Variants in P2RY6 observed in about 807,000 individuals in gnomAD.
P2RY6 encodes the protein pyrimidinergic receptor P2Y6, also known as P2Y purinoceptor 6.
Under a neutral mutation model 16.3 loss-of-function variants are expected in P2RY6, and 19 were observed. The ratio of observed to expected loss-of-function variants is 1.16; its 90% CI spans 0.81 to 1.71. P2RY6 has a LOEUF of 1.71. Among genes scored for constraint, P2RY6 ranks in the 40% most tolerant of loss-of-function variants. The probability of loss-of-function intolerance (pLI) is 0.00; values close to 1 mark genes in which losing one functional copy is unlikely to be tolerated. For missense variants in P2RY6, 389 were observed against 455.5 expected, an observed-to-expected ratio of 0.85 and a Z score of 1.33; for synonymous variants, 184 against 201.5, an observed-to-expected ratio of 0.91 and a Z score of 0.74.
chr11:73,292,161 G>A (rs1485691344), intron 1 of P2RY6, among the ~76,000 whole-genome samples: 14 of 152,258 alleles, frequency 9.2e-5, no homozygotes, highest in African/African-American at 2.2e-4. Flanking sequence ...CACAGCCCAC[G>A]TCCATCACTC....
chr11:73,265,858 A>T (rs925194808), intron 1 of P2RY6, among the ~76,000 whole-genome samples: 1 of 152,230 alleles, frequency 6.6e-6, no homozygotes, highest in Non-Finnish European at 1.5e-5. Context: ...CTGGCACTTT[A>T]TCTGCAGAAC....
At chr11:73,273,825 G>A (rs7116594) in intron 1 of P2RY6, among the ~76,000 whole-genome samples, 27,846 of 151,912 alleles carry the variant, frequency 0.18, 2,917 homozygotes, top group African/African-American at 0.29. Context: ...TCCCACTGAC[G>A]CTTTTTATTT....
At chr11:73,275,785 G>A (rs1863512086) in intron 1 of P2RY6, among the ~76,000 whole-genome samples, 1 of 152,186 alleles carries the variant, frequency 6.6e-6, no homozygotes, top group African/African-American at 2.4e-5. Context: ...TATCCTCCCA[G>A]GCTGGAAATC....
chr11:73,279,271 T>C (rs970425588), intron 1 of P2RY6, among the ~76,000 whole-genome samples: 4 of 152,222 alleles, frequency 2.6e-5, no homozygotes, highest in African/African-American at 4.8e-5. Context: ...TAGATATTAA[T>C]ACCTTATCAG....
chr11:73,282,725 T>C (rs1437970432), intron 1 of P2RY6, among the ~76,000 whole-genome samples: 1 of 151,976 alleles, frequency 6.6e-6, no homozygotes, highest in Middle Eastern at 3.4e-3. Context: ...CTGCATATTG[T>C]AAGACTCCTT....
In P2RY6 at chr11:73,298,498, C is replaced by CATGA. The variant is rs1350782219; in HGVS notation, c.*993_*994insATGA. 1 of 167,186 alleles carries CATGA rather than the reference C, an allele frequency of 6.0e-6. No individual in the cohort carries two copies. Among genetic ancestry groups the CATGA allele is most frequent in the Non-Finnish European group, 1.5e-5 (1 of 68,230 alleles). The allele number at this position is 167,186 out of a possible 1,614,324, so 10.4% of individuals were successfully genotyped here. On this transcript the variant is annotated 3_prime_UTR_variant, in exon 3 of 3. Transcript: ENST00000540124. ...AGAGGCAGGGGGCGAAGTGCAGTGG[C>CATGA]TCATGCCTGTAATCTCAGCAATTTG... is the stretch of plus-strand genomic sequence containing the variant.
intron 1 of P2RY6, among the ~76,000 whole-genome samples, chr11:73,283,402 C>T (rs990974846): frequency 6.6e-6 from 1 of 152,166 alleles, no homozygotes. Flanking sequence ...TGGAGGTGCC[C>T]CTGCCGGCCC....
intron 1 of P2RY6, among the ~76,000 whole-genome samples, chr11:73,266,942 T>A (rs540852042): frequency 9.2e-5 from 14 of 152,302 alleles, no homozygotes; most frequent in African/African-American, 3.4e-4. Context: ...AGGCCAGCTG[T>A]CTTCTTAGCT....
At chr11:73,272,298 T>C, upstream of P2RY6, 1 of 979,492 alleles carries the variant, frequency 1.0e-6, no homozygotes, top group Non-Finnish European at 1.2e-6. Context: ...AGTTACTTCC[T>C]CTCCCCAGGT....
intron 1 of P2RY6, among the ~76,000 whole-genome samples, chr11:73,291,674 C>T (rs147262986): frequency 3.3e-4 from 50 of 152,310 alleles, no homozygotes; most frequent in African/African-American, 1.1e-3. Flanking sequence ...GGGGTGAGAT[C>T]GATGCCTTTA....
rs773575254 is a variant in P2RY6, at chr11:73,297,500, C to T, written c.982C>T (p.Arg328Cys). The T allele has an allele frequency of 5.0e-6, 8 of 1,605,010 alleles. No homozygotes were observed. Among genetic ancestry groups the T allele is most frequent in the African/African-American group, 2.7e-5 (2 of 74,886 alleles). ...CACAGCCAAATGGCAGAGGCAGGGT[C>T]GCTGAGTCCTCCAGGTCCTGGGCAG... ...KLTAKWQRQG[R>C] Residue 328 changes from arginine to cysteine, a missense_variant, in exon 3 of 3, where the codon CGC becomes TGC. Arg to Cys is a radical substitution (Grantham distance 180). Transcript: ENST00000540124.
chr11:73,271,313 G>C (rs1453501591), upstream of P2RY6, among the ~76,000 whole-genome samples: 1 of 152,150 alleles, frequency 6.6e-6, no homozygotes, highest in Non-Finnish European at 1.5e-5. Flanking sequence ...GTAGCAGGAC[G>C]AGCCGCGGAC....
Position 73,296,968 on chromosome 11 carries a change from C to T in P2RY6, c.450C>T (p.Ala150=), listed in dbSNP as rs748905916. 38 of 1,603,142 alleles carry T rather than the reference C, an allele frequency of 2.4e-5. No homozygotes were observed. Among genetic ancestry groups the T allele is most frequent in the Non-Finnish European group, 2.7e-5 (32 of 1,179,970 alleles). ...GRRAAWLVCV[A]VWLAVTTQCL... is the part of the protein sequence containing the mutation. ...GGGCTGCCTGGCTAGTGTGTGTAGC[C>T]GTGTGGCTGGCCGTGACAACCCAGT... Residue 150 remains alanine, a synonymous_variant, in exon 3 of 3, where the codon GCC becomes GCT. Transcript: ENST00000540124.
In P2RY6 at chr11:73,298,541, G is replaced by A. The variant is rs1864601206; in HGVS notation, c.*1036G>A. The stretch of plus-strand genomic sequence containing the variant: ...GCAATTTGGGAGGCCAAGGAAGGAG[G>A]AATGCTTGAGCCCAAGAGTTTTAGA... On this transcript the variant is annotated 3_prime_UTR_variant, in exon 3 of 3. Coordinates refer to ENST00000540124, the MANE Select transcript of P2RY6 (RefSeq NM_001277204.2). 1 of 166,602 alleles carries A rather than the reference G, an allele frequency of 6.0e-6. No individual in the cohort carries two copies. The highest frequency in any genetic ancestry group is 2.4e-5 in the African/African-American group (1 of 41,436). 10.3% of individuals were successfully genotyped at this position (166,602 alleles called of 1,614,324 possible). A position where few individuals can be genotyped will look rare whatever the true frequency, so the allele number is the denominator to read the frequency against.
chr11:73,272,160 A>T (rs1863339366), upstream of P2RY6: 2 of 157,690 alleles, frequency 1.3e-5, no homozygotes, highest in Non-Finnish European at 2.7e-5. Context: ...GAGCAAACAG[A>T]GGGTGAATGA....
At chr11:73,296,234 ATATATATATAT>A (rs1221487034) in intron 2 of P2RY6, among the ~76,000 whole-genome samples, 1 of 98,854 alleles carries the variant, frequency 1.0e-5, no homozygotes, top group African/African-American at 4.4e-5. Context: ...AAAAAAAAAA[ATATATATATAT>A]ATATATATAT....
intron 1 of P2RY6, among the ~76,000 whole-genome samples, chr11:73,280,454 C>A (rs1863712651): frequency 6.6e-6 from 1 of 152,192 alleles, no homozygotes; most frequent in Non-Finnish European, 1.5e-5. Flanking sequence ...CTTCAACAGG[C>A]CTCTCACAGA....
At chr11:73,292,098 A>G (rs1322817295) in intron 1 of P2RY6, among the ~76,000 whole-genome samples, 1 of 152,134 alleles carries the variant, frequency 6.6e-6, no homozygotes, top group African/African-American at 2.4e-5. Flanking sequence ...GGTGGTGAGG[A>G]GGGGCTGGGG....
In P2RY6 at chr11:73,272,399, CT is replaced by C; in HGVS notation, c.-187del. 1.0e-6 allele frequency: 1 copy of C among 985,494 alleles called. No individual in the cohort carries two copies. The highest frequency in any genetic ancestry group is 1.2e-6 in the Non-Finnish European group (1 of 829,954). 61.0% of individuals were successfully genotyped at this position (985,494 alleles called of 1,614,324 possible). On this transcript the variant is annotated 5_prime_UTR_variant, in exon 1 of 3. Coordinates refer to ENST00000540124, the MANE Select transcript of P2RY6 (RefSeq NM_001277204.2). The stretch of plus-strand genomic sequence containing the variant: ...GCACAGAACTGACTGGCAGCAGGGG[CT>C]GCTCCACGAGTGGGAATTTGCTCCA...
Sources: gnomAD v4.1 joint callset for allele counts (sites outside exome capture counted in the v4.1 genomes callset) on GRCh38, gnomAD v4.1.1 for gene constraint, MANE v1.5 for transcripts, NCBI Gene and HGNC (gene_info 2026-07-23, HGNC 2026-07-21) for gene names.